Variants in HPRT1 observed in about 807,000 individuals in gnomAD.
The protein encoded by HPRT1 is hypoxanthine-guanine phosphoribosyltransferase.
Under a neutral mutation model 19.0 loss-of-function variants are expected in HPRT1, and 4 were observed. The observed-to-expected ratio is 0.21, with a 90% CI of 0.10 to 0.48. The LOEUF is 0.48. HPRT1 is among the 20% of genes least tolerant of loss of function. HPRT1 has a pLI of 0.98. For synonymous variants in HPRT1, 53 were observed against 54.9 expected (o/e 0.97, Z 0.15); for missense variants, 65 against 164.0 (o/e 0.40, Z 3.30).
At chrX:134,477,072 T>C (rs2077627777) in intron 3 of HPRT1, among the ~76,000 whole-genome samples, 1 of 105,635 alleles carries the variant, frequency 9.5e-6, no homozygotes, top group African/African-American at 3.4e-5. Flanking sequence ...TATTTATTTT[T>C]TTTTTTGAGA....
intron 8 of HPRT1, among the ~76,000 whole-genome samples, chrX:134,499,743 G>A (rs1327566400): frequency 4.7e-5 from 5 of 107,124 alleles, no homozygotes; most frequent in African/African-American, 1.4e-4. Context: ...GGCAGAGCTT[G>A]CAGTGAGCAG....
chrX:134,493,387 A>G (rs944785114), intron 5 of HPRT1, 121 bp from the exon 6 acceptor site: 1 of 545,971 alleles, frequency 1.8e-6, no homozygotes, highest in African/African-American at 2.2e-5. Flanking sequence ...ATCTCCATGT[A>G]GATTTTGGTG....
At chrX:134,479,274 AT>A (rs1263342628) in intron 3 of HPRT1, among the ~76,000 whole-genome samples, 30 of 106,966 alleles carry the variant, frequency 2.8e-4, no homozygotes, top group South Asian at 7.9e-4. Flanking sequence ...TTTTATAGTG[AT>A]TTTTTTTTTT....
chrX:134,464,235 A>G (rs1254458838), intron 1 of HPRT1, among the ~76,000 whole-genome samples: 1 of 112,316 alleles, frequency 8.9e-6, no homozygotes, highest in South Asian at 3.6e-4. Context: ...AGCAAGTTAT[A>G]TATGTAGTTT....
At chrX:134,465,350 T>TA (rs2077594307) in intron 1 of HPRT1, among the ~76,000 whole-genome samples, 1 of 111,559 alleles carries the variant, frequency 9.0e-6, no homozygotes, top group South Asian at 3.7e-4. Context: ...GCTTTGTAAT[T>TA]AGAGATTTTA....
chrX:134,465,094 T>C (rs1348136168), intron 1 of HPRT1, among the ~76,000 whole-genome samples: 2 of 109,690 alleles, frequency 1.8e-5, no homozygotes, highest in Non-Finnish European at 3.8e-5. Context: ...CTAATTTTTG[T>C]GTTTTTAGTA....
intron 6 of HPRT1, among the ~76,000 whole-genome samples, chrX:134,494,385 A>C (rs952624368): frequency 8.9e-6 from 1 of 112,349 alleles, no homozygotes; most frequent in Non-Finnish European, 1.9e-5. Context: ...GGGTCAGGTA[A>C]TGTTCTAACT....
chrX:134,493,556 A>G lies in HPRT1; in HGVS notation c.451A>G (p.Arg151Gly). The G allele has an allele frequency of 2.5e-6, 3 of 1,206,051 alleles. No homozygotes were observed. Among genetic ancestry groups the G allele is most frequent in the Non-Finnish European group, 3.4e-6 (3 of 890,159 alleles). The change falls in exon 6 of 9, where the codon AGG becomes GGG. Residue 151 changes from arginine (R) to glycine (G), a missense_variant. Arg to Gly is a moderately radical substitution (Grantham distance 125, BLOSUM62 -2). Coordinates refer to ENST00000298556, the MANE Select transcript of HPRT1 (RefSeq NM_000194.3). ...KTMQTLLSLV[R>G]QYNPKMVKVA... ...AATGCAGACTTTGCTTTCCTTGGTCAGGCAGTATAATCCAAAGATGGTCAA... is the reference window on the plus strand; with the variant it reads ...AATGCAGACTTTGCTTTCCTTGGTCGGGCAGTATAATCCAAAGATGGTCAA...
At chrX:134,483,163 G>A (rs1417795532) in intron 3 of HPRT1, among the ~76,000 whole-genome samples, 2 of 111,029 alleles carry the variant, frequency 1.8e-5, no homozygotes, top group East Asian at 5.7e-4. Context: ...ATGCCCTCTT[G>A]GGAACCCAGC....
In HPRT1 at chrX:134,475,374, T is replaced by G. The variant is rs1468763568; in HGVS notation, c.318+10T>G. ...ACTGAAGAGCTATTGTGTGAGTATA[T>G]TTAATATATGATTCTTTTTAGTGGC... On this transcript the variant is annotated intron_variant, in intron 3 of 8. Transcript: ENST00000298556. The G allele has an allele frequency of 9.3e-7, 1 of 1,069,966 alleles. No homozygotes were observed. The allele number at this position is 1,069,966 out of a possible 1,213,427, so 88.2% of individuals were successfully genotyped here. A position where few individuals can be genotyped will look rare whatever the true frequency, so the allele number is the denominator to read the frequency against.
At chrX:134,475,576 G>C (rs775554891) in intron 3 of HPRT1, among the ~76,000 whole-genome samples, 3 of 111,464 alleles carry the variant, frequency 2.7e-5, no homozygotes, top group African/African-American at 9.8e-5. Context: ...GGTGTGTGTG[G>C]TTTTTTAAAT....
chrX:134,474,959 C>G (rs2077620480), intron 2 of HPRT1, among the ~76,000 whole-genome samples: 1 of 110,614 alleles, frequency 9.0e-6, no homozygotes, highest in Admixed American at 9.7e-5. Flanking sequence ...ACAGTTCACT[C>G]CAGCCTCAAC....
At chrX:134,466,431 A>G (rs2077597161) in intron 1 of HPRT1, among the ~76,000 whole-genome samples, 1 of 108,600 alleles carries the variant, frequency 9.2e-6, no homozygotes, top group African/African-American at 3.4e-5. Context: ...AAAGAAAAAA[A>G]AAAAAAAAGA....
chrX:134,479,578 TTTGTTG>T (rs747004660), intron 3 of HPRT1, among the ~76,000 whole-genome samples: 3 of 111,191 alleles, frequency 2.7e-5, no homozygotes, highest in South Asian at 3.8e-4. Context: ...CCAGTGGTTT[TTTGTTG>T]TTGTTGTTGT....
intron 1 of HPRT1, among the ~76,000 whole-genome samples, chrX:134,468,782 A>C (rs1339719043): frequency 9.2e-6 from 1 of 109,218 alleles, no homozygotes; most frequent in Non-Finnish European, 1.9e-5. Context: ...AAAAATTAGT[A>C]TTTGATATTT....
In HPRT1 at chrX:134,500,177, C is replaced by T. The variant is rs2077691904; in HGVS notation, c.*100C>T. ...TTCTGTGGCCATCTGCTTAGTAGAG[C>T]TTTTTGCATGTATCTTCTAAGAATT... On this transcript the variant is annotated 3_prime_UTR_variant, in exon 9 of 9. Transcript: ENST00000298556. The T allele has an allele frequency of 1.7e-6, 1 of 595,516 alleles. No individual in the cohort carries two copies. Among genetic ancestry groups the T allele is most frequent in the Non-Finnish European group, 2.9e-6 (1 of 342,617 alleles). The allele number at this position is 595,516 out of a possible 1,213,427, so 49.1% of individuals were successfully genotyped here.
rs939576874 is a variant in HPRT1 at position 134,460,206 on chromosome X, G to A, written c.-106G>A. Reference sequence around the variant, plus strand: ...GACGAGCCCTCAGGCGAACCTCTCGGCTTTCCCGCGCGGCGCCGCCTCTTG... The same window carrying A: ...GACGAGCCCTCAGGCGAACCTCTCGACTTTCCCGCGCGGCGCCGCCTCTTG... On this transcript the variant is annotated 5_prime_UTR_variant, in exon 1 of 9. Transcript: ENST00000298556. 1 of 908,030 alleles carries A rather than the reference G, an allele frequency of 1.1e-6. No homozygotes were observed. Among genetic ancestry groups the A allele is most frequent in the Non-Finnish European group, 1.5e-6 (1 of 666,728 alleles). 74.8% of individuals were successfully genotyped at this position (908,030 alleles called of 1,213,427 possible). A position where few individuals can be genotyped will look rare whatever the true frequency, so the allele number is the denominator to read the frequency against.
intron 3 of HPRT1, among the ~76,000 whole-genome samples, chrX:134,482,442 G>A (rs747278640): frequency 4.9e-4 from 55 of 112,103 alleles, no homozygotes; most frequent in Non-Finnish European, 9.6e-4. Flanking sequence ...TATTTAATTA[G>A]AGCAATGCTG....
intron 4 of HPRT1, among the ~76,000 whole-genome samples, chrX:134,487,455 T>A (rs1235984037): frequency 9.0e-6 from 1 of 111,156 alleles, no homozygotes; most frequent in Non-Finnish European, 1.9e-5. Flanking sequence ...ATAAAGGCAT[T>A]AATCTCATAA....
Sources: allele counts gnomAD v4.1 joint callset (sites outside exome capture counted in the v4.1 genomes callset), GRCh38; gene constraint gnomAD v4.1.1; transcripts MANE v1.5; gene names NCBI Gene and HGNC (gene_info 2026-07-23, HGNC 2026-07-21).